The following FMN2 variants were observed in gnomAD, a reference collection of about 807,000 sequenced individuals.
FMN2 encodes the protein formin-2.
A neutral mutation model predicts 142.3 loss-of-function variants in FMN2; 51 were observed. The observed-to-expected ratio is 0.36, with a 90% CI of 0.29 to 0.45. The LOEUF is 0.45. FMN2 is among the 20% of genes least tolerant of loss of function. FMN2 has a pLI of 1.00. For missense variants in FMN2, 1,936 were observed against 2,122.8 expected (o/e 0.91, Z 1.73); for synonymous variants, 882 against 869.8 (o/e 1.01, Z -0.25).
chr1:240,208,528 C>T lies in FMN2; in HGVS notation c.3716C>T (p.Pro1239Leu). Residue 1239 changes from proline (P) to leucine (L), a missense_variant, in exon 5 of 18, where the codon CCT (proline) becomes CTT (leucine). Pro to Leu is a moderately conservative substitution (Grantham distance 98). This residue lies in a region of FMN2 where 259 missense variants were observed against 230.9 expected (regional missense o/e 1.12). Coordinates refer to ENST00000319653, the MANE Select transcript of FMN2 (RefSeq NM_020066.5). Reference protein sequence around the residue: ...GTGIPPPPLLPVSGPPLLPQV... With the variant: ...GTGIPPPPLLLVSGPPLLPQV... ...GGAATCCCACCGCCCCCTCTGCTTC[C>T]TGTATCAGGCCCTCCACTCCTCCCA... The T allele has an allele frequency of 1.2e-6, 2 of 1,613,082 alleles. No individual in the cohort carries two copies. The highest frequency in any genetic ancestry group is 2.2e-5 in the South Asian group (2 of 91,002).
chr1:240,416,759 CTT>C (rs34713509), intron 15 of FMN2, among the ~76,000 whole-genome samples: 52 of 148,502 alleles, frequency 3.5e-4, no homozygotes, highest in Non-Finnish European at 5.4e-4. Flanking sequence ...TCTCTCTCTT[CTT>C]TTTTTTTTTA....
At chr1:240,225,255 A>T (rs1277248125) in intron 6 of FMN2, among the ~76,000 whole-genome samples, 1 of 152,198 alleles carries the variant, frequency 6.6e-6, no homozygotes, top group Non-Finnish European at 1.5e-5. Context: ...CCCAGTGGCT[A>T]GTTTCCAGAT....
chr1:240,424,251 T>C (rs1009248453), intron 15 of FMN2, among the ~76,000 whole-genome samples: 1 of 152,124 alleles, frequency 6.6e-6, no homozygotes, highest in Non-Finnish European at 1.5e-5. Flanking sequence ...TTTATGTGAT[T>C]CCAGGGAAAA....
At chr1:240,277,400 T>C (rs561425489) in intron 7 of FMN2, among the ~76,000 whole-genome samples, 22 of 151,870 alleles carry the variant, frequency 1.4e-4, no homozygotes, top group African/African-American at 5.3e-4. Flanking sequence ...AGGACTGCCA[T>C]GTTTGAATAC....
intron 2 of FMN2, among the ~76,000 whole-genome samples, chr1:240,159,917 A>ATATATATATATATCTGTG (rs1470248985): frequency 9.3e-5 from 12 of 128,522 alleles, no homozygotes; most frequent in African/African-American, 3.3e-4. Flanking sequence ...ATATATATAT[A>ATATATATATATATCTGTG]TATATATATA....
At chr1:240,456,060 T>A (rs949068118) in intron 16 of FMN2, among the ~76,000 whole-genome samples, 2 of 152,046 alleles carry the variant, frequency 1.3e-5, no homozygotes, top group African/African-American at 4.8e-5. Context: ...CAAATATTCT[T>A]AATCACTAGT....
intron 14 of FMN2, among the ~76,000 whole-genome samples, chr1:240,370,576 T>TG (rs1403941582): frequency 6.6e-6 from 1 of 152,196 alleles, no homozygotes; most frequent in Non-Finnish European, 1.5e-5. Context: ...GCCTTATTCT[T>TG]GATGCCTCCT....
intron 16 of FMN2, among the ~76,000 whole-genome samples, chr1:240,443,166 G>A (rs1347938856): frequency 6.6e-6 from 1 of 152,106 alleles, no homozygotes; most frequent in African/African-American, 2.4e-5. Context: ...TACATTCTTG[G>A]TTAGACAAAA....
At chr1:240,288,665 G>A (rs1479207700) in intron 7 of FMN2, among the ~76,000 whole-genome samples, 1 of 152,036 alleles carries the variant, frequency 6.6e-6, no homozygotes. Flanking sequence ...GAACAGAACA[G>A]GGGTGATGGG....
At chr1:240,093,748 T>C in intron 1 of FMN2, 24 bp downstream of exon 1, 1 of 1,294,116 alleles carries the variant, frequency 7.7e-7, no homozygotes, top group Non-Finnish European at 9.8e-7. Context: ...GCTGCTGGCC[T>C]CCGGGTCTCA....
chr1:240,413,048 G>T (rs1674452469), intron 15 of FMN2, among the ~76,000 whole-genome samples: 1 of 143,612 alleles, frequency 7.0e-6, no homozygotes, highest in Non-Finnish European at 1.5e-5. Context: ...GTGTGAACCT[G>T]GGAGGTAGAG....
chr1:240,434,631 A>G (rs953727883), intron 15 of FMN2, among the ~76,000 whole-genome samples: 7 of 150,540 alleles, frequency 4.6e-5, no homozygotes, highest in South Asian at 2.1e-4. Flanking sequence ...ACGCTATCTC[A>G]GCTCACTGCA....
chr1:240,141,604 A>G (rs376454710), intron 2 of FMN2, among the ~76,000 whole-genome samples: 3 of 152,236 alleles, frequency 2.0e-5, no homozygotes, highest in South Asian at 4.1e-4. Context: ...TCCTGACCTC[A>G]GGTAATCTGC....
rs928639587 is a variant in FMN2 at position 240,137,164 on chromosome 1, T to G, written c.1782+13819T>G. On this transcript the variant is annotated intron_variant, in intron 2 of 17. Transcript: ENST00000319653. ...TGACTTAATTCAGGAGCTTAAAGGG[T>G]TTTTTTGTTTCTTGTTTTTTGTTTT... 1.1e-4 allele frequency among the ~76,000 whole-genome samples: 16 copies of G among 150,984 alleles called. 1 individual carries two copies. Among genetic ancestry groups the G allele is most frequent in the Non-Finnish European group, 1.5e-5 (1 of 67,764 alleles).
chr1:240,116,728 C>T (rs1416107520), intron 1 of FMN2, among the ~76,000 whole-genome samples: 1 of 151,500 alleles, frequency 6.6e-6, no homozygotes, highest in Non-Finnish European at 1.5e-5. Context: ...TGCATTCCGG[C>T]CTGGGTGACA....
chr1:240,447,660 C>T (rs558181006), intron 16 of FMN2, among the ~76,000 whole-genome samples: 2 of 152,276 alleles, frequency 1.3e-5, no homozygotes, highest in East Asian at 1.9e-4. Flanking sequence ...CAACCTAATA[C>T]GTGGGGCCTG....
chr1:240,396,654 G>A (rs1261442779), intron 15 of FMN2, among the ~76,000 whole-genome samples: 3 of 152,192 alleles, frequency 2.0e-5, no homozygotes, highest in African/African-American at 4.8e-5. Context: ...CCATGCTTAT[G>A]TCTATGTGTG....
chr1:240,095,864 C>T (rs181672912), intron 1 of FMN2, among the ~76,000 whole-genome samples: 3 of 152,230 alleles, frequency 2.0e-5, no homozygotes, highest in Admixed American at 2.0e-4. Context: ...TTGACCTCTC[C>T]AGGTGATTTG....
At chr1:240,220,433 TAGAGA>T (rs1667059933) in intron 6 of FMN2, among the ~76,000 whole-genome samples, 1 of 152,120 alleles carries the variant, frequency 6.6e-6, no homozygotes, top group Non-Finnish European at 1.5e-5. Flanking sequence ...AGTCTCCTGT[TAGAGA>T]AGCTTTATAA....
Sources: gnomAD v4.1 joint callset for allele counts (sites outside exome capture counted in the v4.1 genomes callset) on GRCh38, gnomAD v4.1.1 for gene constraint, gnomAD v4.1.1 regional missense constraint, MANE v1.5 for transcripts, NCBI Gene and HGNC (gene_info 2026-07-23, HGNC 2026-07-21) for gene names.